Variants in MCTP2 observed in about 807,000 individuals in gnomAD.
MCTP2 encodes multiple C2 and transmembrane domain-containing protein 2.
Under a neutral mutation model 111.6 loss-of-function variants are expected in MCTP2, and 132 were observed. That is an observed-to-expected ratio of 1.18 (90% CI 1.03 to 1.37). The LOEUF is 1.37. Ranked by LOEUF, MCTP2 falls within the 40% of genes most tolerant of loss-of-function variation. MCTP2 has a pLI of 0.00. For missense variants in MCTP2, 1,183 were observed against 1,067.9 expected (o/e 1.11, Z -1.50); for synonymous variants, 395 against 387.7 (o/e 1.02, Z -0.22).
intron 1 of MCTP2, among the ~76,000 whole-genome samples, chr15:94,269,016 C>T (rs995647963): frequency 6.6e-6 from 1 of 152,046 alleles, no homozygotes; most frequent in Admixed American, 6.5e-5. Context: ...TTAGTGTCTT[C>T]TTCACTTAGC....
In MCTP2 at chr15:94,385,459, A is replaced by C. The variant is rs1313112818; in HGVS notation, c.1722A>C (p.Thr574=). ...IKDIHDVLEV[T]VFDEDGDKPP... is the part of the protein sequence containing the mutation. ...ATATCCATGATGTTTTGGAAGTGACAGTGTTTGATGAAGATGGAGATAAAC... is the reference window on the plus strand; with the variant it reads ...ATATCCATGATGTTTTGGAAGTGACCGTGTTTGATGAAGATGGAGATAAAC... Residue 574 remains threonine, a synonymous_variant, in exon 14 of 23, where the codon ACA becomes ACC. Transcript: ENST00000357742. The C allele has an allele frequency of 6.2e-7, 1 of 1,613,494 alleles. No individual in the cohort carries two copies.
chr15:94,321,900 A>G (rs937524904), intron 4 of MCTP2, among the ~76,000 whole-genome samples: 1 of 152,228 alleles, frequency 6.6e-6, no homozygotes, highest in Non-Finnish European at 1.5e-5. Context: ...AAGTGTTAAG[A>G]AAATCATAAA....
intron 13 of MCTP2, among the ~76,000 whole-genome samples, chr15:94,385,155 A>G (rs1042355688): frequency 4.6e-5 from 7 of 152,184 alleles, no homozygotes; most frequent in African/African-American, 1.4e-4. Flanking sequence ...TGTTTCTTTG[A>G]AAGTCCTACC....
At chr15:94,477,704 G>C (rs1432434835) in intron 22 of MCTP2, among the ~76,000 whole-genome samples, 1 of 152,156 alleles carries the variant, frequency 6.6e-6, no homozygotes, top group East Asian at 1.9e-4. Flanking sequence ...TCAAAGATCT[G>C]GGGCGGAAAA....
intron 19 of MCTP2, among the ~76,000 whole-genome samples, chr15:94,456,349 A>G (rs986152129): frequency 2.0e-5 from 3 of 152,220 alleles, no homozygotes; most frequent in African/African-American, 7.2e-5. Flanking sequence ...CAGTTGAAAT[A>G]GGAAGTTTTT....
At chr15:94,304,098 C>T (rs1173931440) in intron 2 of MCTP2, among the ~76,000 whole-genome samples, 1 of 152,202 alleles carries the variant, frequency 6.6e-6, no homozygotes. Flanking sequence ...GGTCACAAGT[C>T]TGAGCTACAA....
At chr15:94,244,215 CAT>C (rs374326192) in intron 1 of MCTP2, among the ~76,000 whole-genome samples, 6 of 140,354 alleles carry the variant, frequency 4.3e-5, no homozygotes, top group East Asian at 4.1e-4. Flanking sequence ...TATACACATA[CAT>C]ATGTGTATAT....
chr15:94,296,610 A>G (rs756224640), intron 1 of MCTP2, among the ~76,000 whole-genome samples: 7 of 152,354 alleles, frequency 4.6e-5, no homozygotes, highest in Admixed American at 6.5e-5. Context: ...GAATAATGAT[A>G]GAGACACCTT....
intron 2 of MCTP2, among the ~76,000 whole-genome samples, chr15:94,311,973 C>A (rs1346610027): frequency 6.6e-6 from 1 of 152,178 alleles, no homozygotes; most frequent in Non-Finnish European, 1.5e-5. Context: ...ACAAGACCAT[C>A]ATTATCCTTG....
At chr15:94,469,488 A>G (rs1266918820) in intron 20 of MCTP2, among the ~76,000 whole-genome samples, 1 of 152,228 alleles carries the variant, frequency 6.6e-6, no homozygotes, top group Non-Finnish European at 1.5e-5. Flanking sequence ...ATTTATTTCA[A>G]GACACTGTTA....
chr15:94,289,281 G>A (rs910006372), intron 1 of MCTP2, among the ~76,000 whole-genome samples: 1 of 152,208 alleles, frequency 6.6e-6, no homozygotes, highest in African/African-American at 2.4e-5. Context: ...AAATGGCTGA[G>A]ATTTCTCATC....
intron 17 of MCTP2, among the ~76,000 whole-genome samples, chr15:94,438,780 C>G (rs1255426123): frequency 6.6e-6 from 1 of 152,046 alleles, no homozygotes; most frequent in Non-Finnish European, 1.5e-5. Flanking sequence ...TAATGATCAC[C>G]TATATGTAAA....
chr15:94,477,181 A>AG (rs1217071700), intron 22 of MCTP2, among the ~76,000 whole-genome samples: 1 of 152,106 alleles, frequency 6.6e-6, no homozygotes, highest in Non-Finnish European at 1.5e-5. Context: ...TAGGGGAAGT[A>AG]GGGGACAAAA....
chr15:94,390,058 A>ACG (rs1397178018), intron 14 of MCTP2, among the ~76,000 whole-genome samples: 8,032 of 22,642 alleles, frequency 0.35, 661 homozygotes, highest in Non-Finnish European at 0.45. Flanking sequence ...GCATATATAT[A>ACG]TATATATATA....
chr15:94,390,112 A>G lies in MCTP2; in HGVS notation c.1788+4587A>G, dbSNP rs61378518. On this transcript the variant is annotated intron_variant, in intron 14 of 22. Transcript: ENST00000357742. Reference sequence around the variant, plus strand: ...TATGTATATATATATATATATATATATGTATATATATATATATATACTTAG... The same window carrying G: ...TATGTATATATATATATATATATATGTGTATATATATATATATATACTTAG... Among the ~76,000 whole-genome samples, 39 of 31,588 alleles carry G rather than the reference A, an allele frequency of 1.2e-3. 2 individuals carry two copies. The highest frequency in any genetic ancestry group is 3.1e-3 in the African/African-American group (38 of 12,230). 20.7% of individuals were successfully genotyped at this position (31,588 alleles called of 152,430 possible).
chr15:94,400,125 C>T, intron 16 of MCTP2, 130 bp downstream of exon 16: 1 of 705,714 alleles, frequency 1.4e-6, no homozygotes, highest in Admixed American at 2.4e-5. Flanking sequence ...CCCTCTTGCC[C>T]CATCTCTCCA....
intron 10 of MCTP2, among the ~76,000 whole-genome samples, chr15:94,364,082 G>T (rs990530929): frequency 6.6e-6 from 1 of 150,398 alleles, no homozygotes; most frequent in Non-Finnish European, 1.5e-5. Flanking sequence ...AAAAAAAGAC[G>T]TGTAATTCAC....
intron 17 of MCTP2, among the ~76,000 whole-genome samples, chr15:94,437,248 A>G (rs74640082): frequency 0.018 from 2,693 of 151,486 alleles, 82 homozygotes; most frequent in African/African-American, 0.061. Flanking sequence ...CATGATTTGC[A>G]GTTGATATGA....
At chr15:94,440,733 C>A (rs1489717400) in intron 18 of MCTP2, among the ~76,000 whole-genome samples, 1 of 152,214 alleles carries the variant, frequency 6.6e-6, no homozygotes, top group African/African-American at 2.4e-5. Flanking sequence ...GGCTTGAAGG[C>A]TCAGGAGATT....
Sources: gnomAD v4.1 joint callset for allele counts (sites outside exome capture counted in the v4.1 genomes callset) on GRCh38, gnomAD v4.1.1 for gene constraint, MANE v1.5 for transcripts, NCBI Gene and HGNC (gene_info 2026-07-23, HGNC 2026-07-21) for gene names.